Variants in DTD1 observed in about 807,000 individuals in gnomAD.
The protein encoded by DTD1 is D-tyrosyl-tRNA deacylase 1 homolog.
Under a neutral mutation model 25.6 loss-of-function variants are expected in DTD1, and 13 were observed. The ratio of observed to expected loss-of-function variants is 0.51; its 90% CI spans 0.33 to 0.81. The LOEUF is 0.81. Among genes scored for constraint, DTD1 ranks in the 30% least tolerant of loss-of-function variants. DTD1 has a pLI of 0.02. For synonymous variants in DTD1, 110 were observed against 103.6 expected, an observed-to-expected ratio of 1.06 and a Z score of -0.37; for missense variants, 193 against 266.4, an observed-to-expected ratio of 0.72 and a Z score of 1.92.
intron 4 of DTD1, among the ~76,000 whole-genome samples, chr20:18,684,238 AGTTTCT>A (rs2061008091): frequency 6.6e-6 from 1 of 151,954 alleles, no homozygotes; most frequent in Admixed American, 6.6e-5. Flanking sequence ...GGCTCCCAGG[AGTTTCT>A]CACTTTCACA....
chr20:18,758,122 C>A (rs576338845), intron 5 of DTD1, among the ~76,000 whole-genome samples: 3 of 148,102 alleles, frequency 2.0e-5, no homozygotes. Flanking sequence ...GTGATATCCC[C>A]TTTATCATTT....
At chr20:18,591,960 A>AT (rs1175872555) in intron 1 of DTD1, among the ~76,000 whole-genome samples, 1 of 152,224 alleles carries the variant, frequency 6.6e-6, no homozygotes. Flanking sequence ...GATTTAAAAA[A>AT]TTTTAGCCTA....
chr20:18,636,020 T>C (rs757739608), intron 4 of DTD1, among the ~76,000 whole-genome samples: 5 of 152,220 alleles, frequency 3.3e-5, no homozygotes, highest in Admixed American at 6.5e-5. Flanking sequence ...TCTGTTTTGC[T>C]TTAAACCAGT....
intron 3 of DTD1, among the ~76,000 whole-genome samples, chr20:18,616,698 T>C (rs981783559): frequency 3.9e-5 from 6 of 152,192 alleles, no homozygotes; most frequent in South Asian, 4.1e-4. Flanking sequence ...TCCCAGCTAA[T>C]TGAGAGGCTG....
chr20:18,595,483 T>C (rs537306427), intron 2 of DTD1, among the ~76,000 whole-genome samples: 1 of 152,188 alleles, frequency 6.6e-6, no homozygotes, highest in Non-Finnish European at 1.5e-5. Context: ...TTGGCTAGGC[T>C]GGTCTTGAAC....
At chr20:18,719,533 T>C (rs2122490320) in intron 4 of DTD1, among the ~76,000 whole-genome samples, 1 of 152,356 alleles carries the variant, frequency 6.6e-6, no homozygotes, top group East Asian at 1.9e-4. Flanking sequence ...CCTAGTGATT[T>C]TGAGGACCCA....
In DTD1 at chr20:18,764,494, T is replaced by C. The variant is rs532196922; in HGVS notation, c.*1154T>C. ...TTGTATATAGAAGAGACATCCTTAA[T>C]TGTGATTTTTATAATGCTGAAACTC... On this transcript the variant is annotated 3_prime_UTR_variant, in exon 6 of 6. Transcript: ENST00000377452. 6.6e-6 allele frequency: 1 copy of C among 152,350 alleles called. No individual in the cohort carries two copies. The highest frequency in any genetic ancestry group is 2.4e-5 in the African/African-American group (1 of 41,578). 9.4% of individuals were successfully genotyped at this position (152,350 alleles called of 1,614,324 possible). A position where few individuals can be genotyped will look rare whatever the true frequency, so the allele number is the denominator to read the frequency against.
chr20:18,683,934 C>T (rs2061006849), intron 4 of DTD1, among the ~76,000 whole-genome samples: 1 of 152,144 alleles, frequency 6.6e-6, no homozygotes, highest in African/African-American at 2.4e-5. Flanking sequence ...TTTTTTTCCC[C>T]CTCTACTTAG....
intron 3 of DTD1, among the ~76,000 whole-genome samples, chr20:18,609,838 G>A (rs1189988807): frequency 6.6e-6 from 1 of 152,174 alleles, no homozygotes; most frequent in Non-Finnish European, 1.5e-5. Context: ...CCATTTACAA[G>A]TCTGGTCATG....
chr20:18,700,156 G>A (rs1209008471), intron 4 of DTD1, among the ~76,000 whole-genome samples: 1 of 152,158 alleles, frequency 6.6e-6, no homozygotes, highest in African/African-American at 2.4e-5. Flanking sequence ...GATGTCCTTG[G>A]TGTGCCATGT....
At chr20:18,662,081 G>A (rs939688701) in intron 4 of DTD1, among the ~76,000 whole-genome samples, 9 of 152,122 alleles carry the variant, frequency 5.9e-5, no homozygotes, top group Non-Finnish European at 1.2e-4. Context: ...GAGGCCAGGA[G>A]TTCAAGGCTA....
chr20:18,645,688 A>G (rs545000219), intron 4 of DTD1, among the ~76,000 whole-genome samples: 1 of 152,282 alleles, frequency 6.6e-6, no homozygotes, highest in African/African-American at 2.4e-5. Context: ...GAAATGTGGC[A>G]TTCATTTTTA....
intron 4 of DTD1, among the ~76,000 whole-genome samples, chr20:18,731,903 C>G (rs2061240124): frequency 6.6e-6 from 1 of 152,184 alleles, no homozygotes; most frequent in Admixed American, 6.5e-5. Context: ...CTTCTATTTA[C>G]TCCTCCTGCT....
chr20:18,730,856 T>C (rs1207371511), intron 4 of DTD1, among the ~76,000 whole-genome samples: 7 of 152,246 alleles, frequency 4.6e-5, no homozygotes, highest in Non-Finnish European at 8.8e-5. Context: ...TTTTGGAATG[T>C]CTTGGTTGAC....
intron 4 of DTD1, among the ~76,000 whole-genome samples, chr20:18,671,746 G>C (rs1451586401): frequency 6.6e-6 from 1 of 152,152 alleles, no homozygotes; most frequent in Non-Finnish European, 1.5e-5. Context: ...GTCTCTGGGA[G>C]CAGAGCAGCC....
At chr20:18,597,576 T>C (rs981503484) in intron 3 of DTD1, among the ~76,000 whole-genome samples, 5 of 152,194 alleles carry the variant, frequency 3.3e-5, no homozygotes, top group Admixed American at 2.0e-4. Flanking sequence ...CTACTTTCCG[T>C]CTCTTTAGAT....
chr20:18,759,379 G>T (rs1310614599), intron 5 of DTD1, among the ~76,000 whole-genome samples: 1 of 152,184 alleles, frequency 6.6e-6, no homozygotes, highest in Non-Finnish European at 1.5e-5. Flanking sequence ...TGGTACCTTT[G>T]TTCCTTTCCA....
At chr20:18,610,708 A>T (rs975903139) in intron 3 of DTD1, among the ~76,000 whole-genome samples, 6 of 152,158 alleles carry the variant, frequency 3.9e-5, no homozygotes, top group African/African-American at 1.2e-4. Flanking sequence ...CCAGGAGTTT[A>T]AGACCAGCCT....
chr20:18,616,538 A>G (rs1285377736), intron 3 of DTD1, among the ~76,000 whole-genome samples: 1 of 152,140 alleles, frequency 6.6e-6, no homozygotes, highest in Admixed American at 6.6e-5. Flanking sequence ...CTATAATCCC[A>G]GCACTTTGGG....
Sources: gnomAD v4.1 joint callset for allele counts (sites outside exome capture counted in the v4.1 genomes callset) on GRCh38, gnomAD v4.1.1 for gene constraint, MANE v1.5 for transcripts, NCBI Gene and HGNC (gene_info 2026-07-23, HGNC 2026-07-21) for gene names.